INPP4B: variants seen among roughly 807,000 people sequenced by gnomAD.
INPP4B encodes the protein inositol polyphosphate 4-phosphatase type II.
INPP4B carries 55 observed loss-of-function variants against 122.5 expected under a neutral mutation model. The ratio of observed to expected loss-of-function variants is 0.45; its 90% CI spans 0.36 to 0.56. The LOEUF (loss-of-function observed/expected upper bound fraction) is 0.56. INPP4B is among the 20% of genes least tolerant of loss of function. INPP4B has a pLI of 0.00. For missense variants in INPP4B, 1,000 were observed against 1,097.7 expected (o/e 0.91, Z 1.26); for synonymous variants, 403 against 388.7 (o/e 1.04, Z -0.43).
At chr4:142,223,049 G>A (rs1024973332) in intron 12 of INPP4B, among the ~76,000 whole-genome samples, 4 of 152,084 alleles carry the variant, frequency 2.6e-5, no homozygotes, top group Non-Finnish European at 4.4e-5. Flanking sequence ...ATAACCATGT[G>A]CATATAGTAG....
At position 142,168,933 on chromosome 4, in the gene INPP4B, G is replaced by A. The variant is rs1455311618; in HGVS notation, c.1359+4699C>T. On this transcript the variant is annotated intron_variant, in intron 16 of 25. Coordinates refer to ENST00000262992, the MANE Select transcript of INPP4B (RefSeq NM_001101669.3). The stretch of plus-strand genomic sequence containing the variant: ...TTGCTACAGCCTAGGAACTGCCCTA[G>A]GAAGAAATCTAGATAGTTATAAGGA... Among the ~76,000 whole-genome samples the A allele has an allele frequency of 2.0e-5, 3 of 151,424 alleles. No homozygotes were observed. The East Asian group carries it at 5.8e-4, about 29-fold the overall frequency.
chr4:142,449,358 G>A (rs1813638505), intron 3 of INPP4B, among the ~76,000 whole-genome samples: 1 of 152,122 alleles, frequency 6.6e-6, no homozygotes, highest in Non-Finnish European at 1.5e-5. Context: ...TTACCCAGAA[G>A]CTTATTAGAA....
chr4:142,611,737 C>T (rs1204110845), intron 2 of INPP4B, among the ~76,000 whole-genome samples: 2 of 139,546 alleles, frequency 1.4e-5, no homozygotes, highest in Admixed American at 7.8e-5. Flanking sequence ...GGTGTGATCT[C>T]GGCTCACTGC....
At chr4:142,030,313 AG>A in intron 25 of INPP4B, 1 of 1,533,100 alleles carries the variant, frequency 6.5e-7, no homozygotes, top group Non-Finnish European at 8.7e-7. Context: ...CTGTTAAATG[AG>A]GGGAAGTTGG....
chr4:142,119,238 C>A (rs1302835281), intron 21 of INPP4B, among the ~76,000 whole-genome samples: 2 of 152,082 alleles, frequency 1.3e-5, no homozygotes, highest in South Asian at 4.1e-4. Flanking sequence ...GACAGTGTGG[C>A]GATTCCTCAA....
At chr4:142,696,541 C>T (rs1308114607) in intron 2 of INPP4B, among the ~76,000 whole-genome samples, 1 of 152,174 alleles carries the variant, frequency 6.6e-6, no homozygotes, top group African/African-American at 2.4e-5. Flanking sequence ...ACACAAACTA[C>T]ACCTTCAGTG....
intron 11 of INPP4B, among the ~76,000 whole-genome samples, chr4:142,243,102 G>C (rs1448841899): frequency 6.6e-6 from 1 of 152,154 alleles, no homozygotes; most frequent in East Asian, 1.9e-4. Flanking sequence ...ATAATTAAAA[G>C]CCCCAATGCA....
intron 7 of INPP4B, among the ~76,000 whole-genome samples, chr4:142,318,600 C>G (rs1212063109): frequency 6.6e-6 from 1 of 152,174 alleles, no homozygotes; most frequent in Non-Finnish European, 1.5e-5. Context: ...AAATTTAAAA[C>G]ATTCTTACAG....
chr4:142,301,430 G>C (rs926247644), intron 9 of INPP4B, among the ~76,000 whole-genome samples: 1 of 152,094 alleles, frequency 6.6e-6, no homozygotes, highest in Admixed American at 6.5e-5. Context: ...CTTCCTACTA[G>C]GTAGTAAAAT....
chr4:142,055,988 G>C (rs763815421), intron 25 of INPP4B, among the ~76,000 whole-genome samples: 2 of 151,838 alleles, frequency 1.3e-5, no homozygotes, highest in African/African-American at 4.8e-5. Context: ...TGGGGGTGAT[G>C]GGAGACAGTG....
At chr4:142,187,440 A>G (rs926639602) in intron 15 of INPP4B, among the ~76,000 whole-genome samples, 26 of 152,234 alleles carry the variant, frequency 1.7e-4, no homozygotes, top group African/African-American at 6.3e-4. Context: ...ATGACTTCCA[A>G]CGAAACACAA....
intron 16 of INPP4B, among the ~76,000 whole-genome samples, chr4:142,168,149 T>C (rs1049397337): frequency 1.3e-5 from 2 of 151,642 alleles, no homozygotes; most frequent in East Asian, 1.9e-4. Context: ...AACTTGATTA[T>C]GATGTACTTG....
At chr4:142,107,629 A>G (rs554258401) in intron 23 of INPP4B, among the ~76,000 whole-genome samples, 1 of 152,284 alleles carries the variant, frequency 6.6e-6, no homozygotes, top group Admixed American at 6.5e-5. Context: ...TATATTTAAT[A>G]AGTTAGTTCC....
At chr4:142,744,950 T>A (rs1401919478) in intron 1 of INPP4B, among the ~76,000 whole-genome samples, 1 of 151,766 alleles carries the variant, frequency 6.6e-6, no homozygotes, top group East Asian at 1.9e-4. Flanking sequence ...AAAAAAGATG[T>A]GCAAAAGAAG....
intron 2 of INPP4B, among the ~76,000 whole-genome samples, chr4:142,609,219 C>G (rs983832316): frequency 6.6e-6 from 1 of 151,190 alleles, no homozygotes; most frequent in Non-Finnish European, 1.5e-5. Flanking sequence ...TATATTTAAA[C>G]ATAAATACTT....
chr4:142,596,095 T>C (rs1738628800), intron 2 of INPP4B, among the ~76,000 whole-genome samples: 1 of 152,118 alleles, frequency 6.6e-6, no homozygotes, highest in Non-Finnish European at 1.5e-5. Context: ...AATGCCTGCC[T>C]CGGCTTCCCA....
intron 11 of INPP4B, among the ~76,000 whole-genome samples, chr4:142,259,933 T>C (rs145305916): frequency 1.8e-4 from 27 of 152,332 alleles, no homozygotes; most frequent in African/African-American, 5.8e-4. Flanking sequence ...ACCACTGTCA[T>C]ATATGTAGTT....
intron 25 of INPP4B, among the ~76,000 whole-genome samples, chr4:142,039,759 C>G (rs867290484): frequency 6.0e-5 from 9 of 150,344 alleles, no homozygotes; most frequent in Admixed American, 6.6e-5. Flanking sequence ...ATTAAAGGAC[C>G]AAGAAAAAAA....
At chr4:142,389,378 A>C (rs891040252) in intron 7 of INPP4B, among the ~76,000 whole-genome samples, 12 of 152,186 alleles carry the variant, frequency 7.9e-5, no homozygotes, top group African/African-American at 2.7e-4. Flanking sequence ...AGCTCTAATT[A>C]ATTGGCTTAA....
Sources: allele counts gnomAD v4.1 joint callset (sites outside exome capture counted in the v4.1 genomes callset), GRCh38; gene constraint gnomAD v4.1.1; transcripts MANE v1.5; gene names NCBI Gene and HGNC (gene_info 2026-07-23, HGNC 2026-07-21).